Variants in SLC8A1 observed in about 807,000 individuals in gnomAD.
SLC8A1 encodes the protein sodium/calcium exchanger 1.
SLC8A1 carries 18 observed loss-of-function variants against 68.3 expected under a neutral mutation model. The ratio of observed to expected loss-of-function variants is 0.26; its 90% CI spans 0.18 to 0.39. The LOEUF (loss-of-function observed/expected upper bound fraction) is 0.39. SLC8A1 is among the 10% of genes least tolerant of loss of function. The pLI is 1.00. For synonymous variants in SLC8A1, 475 were observed against 415.5 expected (o/e 1.14, Z -1.74); for missense variants, 985 against 1,156.7 (o/e 0.85, Z 2.15).
chr2:40,376,751 G>C (rs1378679944), intron 2 of SLC8A1, among the ~76,000 whole-genome samples: 1 of 152,102 alleles, frequency 6.6e-6, no homozygotes, highest in Non-Finnish European at 1.5e-5. Flanking sequence ...TGCCTCAAAA[G>C]TATTGAGCAG....
intron 2 of SLC8A1, among the ~76,000 whole-genome samples, chr2:40,219,074 T>C (rs772222307): frequency 1.2e-5 from 1 of 84,766 alleles, no homozygotes; most frequent in African/African-American, 4.4e-5. Flanking sequence ...AAGATCTTTG[T>C]TGGAGAAGTT....
chr2:40,275,619 G>A (rs1470594385), intron 2 of SLC8A1, among the ~76,000 whole-genome samples: 1 of 152,168 alleles, frequency 6.6e-6, no homozygotes, highest in Non-Finnish European at 1.5e-5. Context: ...ATGAGCTTGA[G>A]TAACCCACAG....
chr2:40,409,412 C>T (rs1276416169), intron 2 of SLC8A1, among the ~76,000 whole-genome samples: 4 of 152,100 alleles, frequency 2.6e-5, no homozygotes, highest in Admixed American at 1.3e-4. Context: ...CAAAAACTTC[C>T]TACTTTACAA....
intron 7 of SLC8A1, among the ~76,000 whole-genome samples, chr2:40,118,948 C>T (rs1360924497): frequency 6.6e-6 from 1 of 152,008 alleles, no homozygotes; most frequent in African/African-American, 2.4e-5. Context: ...AAACTCTGGG[C>T]TTTCTAGATG....
At chr2:40,474,918 A>G (rs1040135178) in intron 1 of SLC8A1, among the ~76,000 whole-genome samples, 1 of 152,200 alleles carries the variant, frequency 6.6e-6, no homozygotes. Flanking sequence ...TGCTGAAAGA[A>G]TAAGACATAA....
At chr2:40,127,734 G>C (rs1000956231) in intron 7 of SLC8A1, among the ~76,000 whole-genome samples, 1 of 152,158 alleles carries the variant, frequency 6.6e-6, no homozygotes, top group South Asian at 2.1e-4. Context: ...ATGCCAAAAA[G>C]TCCCCTGGGC....
intron 6 of SLC8A1, among the ~76,000 whole-genome samples, chr2:40,150,398 C>T (rs982156251): frequency 2.6e-5 from 4 of 152,186 alleles, no homozygotes; most frequent in Non-Finnish European, 4.4e-5. Context: ...TCTCTTCCTT[C>T]CACTTCTTTG....
chr2:40,113,104 G>T (rs1008614671), exon 8 of SLC8A1: 6 of 152,320 alleles, frequency 3.9e-5, no homozygotes, highest in African/African-American at 1.4e-4. Context: ...TTTTGTTCAT[G>T]GCTTAGTCCC....
At chr2:40,269,795 T>C (rs984147401) in intron 2 of SLC8A1, among the ~76,000 whole-genome samples, 1 of 150,816 alleles carries the variant, frequency 6.6e-6, no homozygotes, top group Non-Finnish European at 1.5e-5. Context: ...GTTTTTTTTT[T>C]CTATTTTATT....
chr2:40,098,756 G>A (rs1422075061), exon 8 of SLC8A1: 1 of 151,854 alleles, frequency 6.6e-6, no homozygotes, highest in East Asian at 1.9e-4. Flanking sequence ...TACTACATTG[G>A]CTTAAAAAAT....
chr2:40,320,009 G>A (rs1559226811), intron 2 of SLC8A1, among the ~76,000 whole-genome samples: 2 of 152,178 alleles, frequency 1.3e-5, no homozygotes, highest in South Asian at 2.1e-4. Context: ...GCTGTTACAT[G>A]GAAATAGAAT....
chr2:40,288,834 C>CATATATATATATATATATATATATATAT lies in SLC8A1; in HGVS notation c.1809-110980_1809-110979insATATATATATATATATATATATATATAT, dbSNP rs145077257. 8.7e-4 allele frequency among the ~76,000 whole-genome samples: 115 copies of CATATATATATATATATATATATATATAT among 132,544 alleles called. 2 individuals are homozygous for CATATATATATATATATATATATATATAT. Among genetic ancestry groups the CATATATATATATATATATATATATATAT allele is most frequent in the African/African-American group, 3.4e-3 (99 of 29,284 alleles). The allele number at this position is 132,544 out of a possible 152,430, so 87.0% of individuals were successfully genotyped here. A position where few individuals can be genotyped will look rare whatever the true frequency, so the allele number is the denominator to read the frequency against. On this transcript the variant is annotated intron_variant, in intron 2 of 7. Coordinates refer to ENST00000406785, the Ensembl canonical transcript of SLC8A1. ...TTCGAAAATGTCTCTACTAAGTAATCATATATATATATATATATGTATATA... is the reference window on the plus strand; with the variant it reads ...TTCGAAAATGTCTCTACTAAGTAATCATATATATATATATATATATATATATATATATATATATATATATATGTATATA...
chr2:40,418,459 C>T (rs1349962723), intron 2 of SLC8A1, among the ~76,000 whole-genome samples: 2 of 152,148 alleles, frequency 1.3e-5, no homozygotes, highest in Non-Finnish European at 2.9e-5. Flanking sequence ...TCCGTCTGGC[C>T]TACTTCAACA....
At chr2:40,422,646 G>A (rs567182714) in intron 2 of SLC8A1, among the ~76,000 whole-genome samples, 1 of 152,070 alleles carries the variant, frequency 6.6e-6, no homozygotes, top group African/African-American at 2.4e-5. Flanking sequence ...ATTGTCAATG[G>A]CTAAGGACTC....
intron 2 of SLC8A1, among the ~76,000 whole-genome samples, chr2:40,252,402 G>A (rs145011143): frequency 0.016 from 2,478 of 152,024 alleles, 24 homozygotes; most frequent in Non-Finnish European, 0.026. Flanking sequence ...GCATGATCTC[G>A]GCTCACTGCA....
chr2:40,107,279 C>CAAAAAAAAAAAAAAAAAGAAAA lies in SLC8A1; in HGVS notation c.*7973_*7974insTTTTCTTTTTTTTTTTTTTTTT, dbSNP rs2034265577. 2.6e-4 allele frequency: 17 copies of CAAAAAAAAAAAAAAAAAGAAAA among 64,948 alleles called. 1 individual carries two copies. Among genetic ancestry groups the CAAAAAAAAAAAAAAAAAGAAAA allele is most frequent in the Non-Finnish European group, 5.0e-4 (17 of 34,148 alleles). 4.0% of individuals were successfully genotyped at this position (64,948 alleles called of 1,614,324 possible). On this transcript the variant is annotated 3_prime_UTR_variant, in exon 8 of 8. Coordinates refer to ENST00000406785, the Ensembl canonical transcript of SLC8A1. ...TGGGCGACAGAGCGAGACTCCGTCT[C>CAAAAAAAAAAAAAAAAAGAAAA]AAAAAAAAAAAAAAAAAAAAGAAAA...
At chr2:40,493,654 T>C (rs895900768) in intron 1 of SLC8A1, among the ~76,000 whole-genome samples, 2 of 102,872 alleles carry the variant, frequency 1.9e-5, no homozygotes, top group African/African-American at 9.6e-5. Context: ...CTCAGTATTT[T>C]TTTTTTTTTT....
chr2:40,274,916 G>T (rs1193484532), intron 2 of SLC8A1, among the ~76,000 whole-genome samples: 1 of 152,144 alleles, frequency 6.6e-6, no homozygotes, highest in Non-Finnish European at 1.5e-5. Flanking sequence ...TTAAATGGAA[G>T]CTATATATAG....
intron 2 of SLC8A1, among the ~76,000 whole-genome samples, chr2:40,359,028 A>T (rs1673678868): frequency 6.6e-6 from 1 of 152,140 alleles, no homozygotes; most frequent in African/African-American, 2.4e-5. Flanking sequence ...AACAGGAGAC[A>T]ACACGGTGAT....
Sources: allele counts gnomAD v4.1 joint callset (sites outside exome capture counted in the v4.1 genomes callset), GRCh38; gene constraint gnomAD v4.1.1; transcripts MANE v1.5; gene names NCBI Gene and HGNC (gene_info 2026-07-23, HGNC 2026-07-21).